SCP2: variants seen among roughly 807,000 people sequenced by gnomAD.
The protein encoded by SCP2 is sterol carrier protein 2.
A neutral mutation model predicts 71.4 loss-of-function variants in SCP2; 48 were observed. The ratio of observed to expected loss-of-function variants is 0.67; its 90% CI spans 0.53 to 0.86. SCP2 has a LOEUF of 0.86. Among genes scored for constraint, SCP2 ranks in the 40% least tolerant of loss-of-function variants. SCP2 has a pLI of 0.00. For missense variants in SCP2, 560 were observed against 655.6 expected, an observed-to-expected ratio of 0.85 and a Z score of 1.59; for synonymous variants, 220 against 218.1, an observed-to-expected ratio of 1.01 and a Z score of -0.08.
At chr1:53,035,956 C>T (rs962481490) in intron 13 of SCP2, among the ~76,000 whole-genome samples, 2 of 145,734 alleles carry the variant, frequency 1.4e-5, no homozygotes, top group Non-Finnish European at 3.0e-5. Flanking sequence ...GGAGGCGGAG[C>T]TTGCAGTGAG....
chr1:52,958,837 G>A (rs922796935), intron 5 of SCP2, among the ~76,000 whole-genome samples: 2 of 152,110 alleles, frequency 1.3e-5, no homozygotes, highest in Non-Finnish European at 2.9e-5. Context: ...TTACAGGTGT[G>A]AGCCACTGCG....
rs200554564 is a variant in SCP2 at position 52,963,369 on chromosome 1, G to GT, written c.523+1752dup. Among the ~76,000 whole-genome samples, 512 of 146,164 alleles carry GT rather than the reference G, an allele frequency of 3.5e-3. 1 individual carries two copies. Among genetic ancestry groups the GT allele is most frequent in the African/African-American group, 9.0e-3 (360 of 40,132 alleles). ...TGGCATGTTATTTAACCAGAAAGAA[G>GT]TTTTTTTTTTTTCTTTCTCTTCTAT... On this transcript the variant is annotated intron_variant, in intron 6 of 15. Transcript: ENST00000371514.
At position 53,039,018 on chromosome 1, in the gene SCP2, T is replaced by C; in HGVS notation, c.1440T>C (p.Asn480=). ...KEATWVVDVK[N]GKGSVLPNSD... ...CCACCTGGGTGGTGGATGTGAAGAA[T>C]GGCAAAGGATCAGTGCTTCCTAACT... The change falls in exon 14 of 16, where the codon AAT becomes AAC. Residue 480 remains asparagine, a synonymous_variant. Coordinates refer to ENST00000371514, the MANE Select transcript of SCP2 (RefSeq NM_002979.5). The C allele has an allele frequency of 6.2e-7, 1 of 1,614,194 alleles. No homozygotes were observed. The highest frequency in any genetic ancestry group is 8.5e-7 in the Non-Finnish European group (1 of 1,180,028).
At chr1:52,980,271 G>A in intron 9 of SCP2, 125 bp from the exon 10 acceptor site, 1 of 912,620 alleles carries the variant, frequency 1.1e-6, no homozygotes, top group South Asian at 1.7e-5. Context: ...AATGCACCTG[G>A]GCAAAAATTT....
At chr1:52,945,548 C>G (rs146986399) in intron 2 of SCP2, among the ~76,000 whole-genome samples, 76 of 152,008 alleles carry the variant, frequency 5.0e-4, no homozygotes, top group African/African-American at 1.8e-3. Context: ...ACTAAAAATA[C>G]AAAAAGTTAG....
chr1:52,969,506 T>TTTTG (rs949070242), intron 6 of SCP2, among the ~76,000 whole-genome samples: 4 of 150,468 alleles, frequency 2.7e-5, no homozygotes, highest in Non-Finnish European at 3.0e-5. Context: ...GTGACCCTGT[T>TTTTG]TTTGTTTGTT....
chr1:52,934,968 T>C (rs1307645350), intron 1 of SCP2: 1 of 145,536 alleles, frequency 6.9e-6, no homozygotes, highest in African/African-American at 2.5e-5. Context: ...CCGGCCTAAC[T>C]TTTAAGAAAC....
At chr1:52,977,836 T>C (rs1463589808) in intron 8 of SCP2, among the ~76,000 whole-genome samples, 1 of 152,150 alleles carries the variant, frequency 6.6e-6, no homozygotes, top group Non-Finnish European at 1.5e-5. Context: ...AGCGCATGCC[T>C]GTAATCTCAG....
chr1:52,957,315 A>G (rs1655914137), intron 5 of SCP2, among the ~76,000 whole-genome samples: 1 of 152,244 alleles, frequency 6.6e-6, no homozygotes, highest in African/African-American at 2.4e-5. Context: ...CCAAATTAAT[A>G]CAGACACATG....
intron 9 of SCP2, among the ~76,000 whole-genome samples, chr1:52,980,062 C>A (rs1011737497): frequency 1.3e-5 from 2 of 152,004 alleles, no homozygotes; most frequent in East Asian, 1.9e-4. Flanking sequence ...CAGCCTTGAC[C>A]TCCTGTGCTC....
chr1:52,969,648 C>A (rs545270334), intron 6 of SCP2, among the ~76,000 whole-genome samples: 31 of 152,116 alleles, frequency 2.0e-4, no homozygotes, highest in African/African-American at 7.0e-4. Flanking sequence ...ATGGTGAAAC[C>A]CCATCTCTAC....
rs1220261883 is a variant in SCP2 at position 52,978,310 on chromosome 1, A to G, written c.768A>G (p.Ala256=). Residue 256 remains alanine, a synonymous_variant, in exon 9 of 16, where the codon GCA becomes GCG. Coordinates refer to ENST00000371514, the MANE Select transcript of SCP2 (RefSeq NM_002979.5). ...AATCCAAAGCTGTGGAAATTTTGGC[A>G]CAAGAAATGATGACTGATTTGCCAA... The part of the protein sequence containing the change: ...GLQSKAVEIL[A]QEMMTDLPSS... 1 of 1,614,168 alleles carries G rather than the reference A, an allele frequency of 6.2e-7. No individual in the cohort carries two copies. The highest frequency in any genetic ancestry group is 1.7e-5 in the Admixed American group (1 of 60,034).
At chr1:52,993,878 G>T in intron 11 of SCP2, 1 of 1,462,704 alleles carries the variant, frequency 6.8e-7, no homozygotes, top group Non-Finnish European at 9.0e-7. Flanking sequence ...GTATTCCTAA[G>T]CTATGTTTTG....
chr1:52,982,720 T>A (rs1658646484), intron 10 of SCP2, among the ~76,000 whole-genome samples: 1 of 152,142 alleles, frequency 6.6e-6, no homozygotes, highest in Non-Finnish European at 1.5e-5. Flanking sequence ...ATTCACTGAC[T>A]CCCCTTTGCC....
At chr1:53,022,015 G>A (rs1461243881) in intron 12 of SCP2, among the ~76,000 whole-genome samples, 3 of 152,082 alleles carry the variant, frequency 2.0e-5, no homozygotes, top group Non-Finnish European at 4.4e-5. Context: ...CACAATTCAC[G>A]CATTTTAAGT....
intron 10 of SCP2, 146 bp from the exon 11 acceptor site, chr1:52,987,883 A>G: frequency 1.6e-6 from 1 of 626,878 alleles, no homozygotes; most frequent in South Asian, 2.0e-5. Context: ...TACTTTTAAA[A>G]GTGCTTATGT....
intron 2 of SCP2, 32 bp downstream of exon 2, chr1:52,941,885 C>T: frequency 6.7e-7 from 1 of 1,496,130 alleles, no homozygotes; most frequent in South Asian, 1.1e-5. Context: ...TTTGAACATT[C>T]ATAGTTTATT....
chr1:52,993,231 TTTCTTTCCGTGTTGG>T lies in SCP2; in HGVS notation c.1081+5100_1081+5114del, dbSNP rs774139824. The T allele has an allele frequency of 2.1e-5, 34 of 1,614,182 alleles. No homozygotes were observed. In the East Asian group the frequency reaches 6.9e-4, roughly 33 times the overall value. Reference sequence around the variant, plus strand: ...ACACAATGGCAGCCTTTCTTGTCTTTTTCTTTCCGTGTTGGTTCTGGTGAAGGAGGACATTCCTGC... The same window carrying T: ...ACACAATGGCAGCCTTTCTTGTCTTTTTCTGGTGAAGGAGGACATTCCTGC... On this transcript the variant is annotated intron_variant, in intron 11 of 15. Coordinates refer to ENST00000371514, the MANE Select transcript of SCP2 (RefSeq NM_002979.5).
chr1:52,996,534 T>G (rs1176023354), intron 11 of SCP2, among the ~76,000 whole-genome samples: 3 of 152,214 alleles, frequency 2.0e-5, no homozygotes, highest in Non-Finnish European at 4.4e-5. Context: ...TTTCCATTTC[T>G]CAGCTTCAAG....
Sources: allele counts gnomAD v4.1 joint callset (sites outside exome capture counted in the v4.1 genomes callset), GRCh38; gene constraint gnomAD v4.1.1; transcripts MANE v1.5; gene names NCBI Gene and HGNC (gene_info 2026-07-23, HGNC 2026-07-21).